Variants in TEX11 observed in about 807,000 individuals in gnomAD.
TEX11 encodes testis-expressed protein 11.
A neutral mutation model predicts 84.4 loss-of-function variants in TEX11; 7 were observed. The ratio of observed to expected loss-of-function variants is 0.08; its 90% CI spans 0.05 to 0.16. The LOEUF is 0.16. Ranked by LOEUF, TEX11 falls within the 10% of genes least tolerant of loss-of-function variation. The pLI, the probability that TEX11 is intolerant of heterozygous loss-of-function variation, is 1.00. For synonymous variants in TEX11, 264 were observed against 222.8 expected (o/e 1.18, Z -1.64); for missense variants, 551 against 660.5 (o/e 0.83, Z 1.82).
the TEX11 span, among the ~76,000 whole-genome samples, chrX:70,511,767 A>AAAG: frequency 9.7e-6 from 1 of 102,650 alleles, no homozygotes; most frequent in Non-Finnish European, 2.0e-5. Context: ...AAAAAAAAAA[A>AAAG]AAAAAAAAAG....
At chrX:70,798,042 A>T (rs780532952) in intron 9 of TEX11, among the ~76,000 whole-genome samples, 6 of 105,128 alleles carry the variant, frequency 5.7e-5, no homozygotes, top group African/African-American at 2.1e-4. Context: ...GGGGAAAGGC[A>T]TTCAAATTTG....
intron 28 of TEX11, among the ~76,000 whole-genome samples, chrX:70,536,978 T>C (rs1421180018): frequency 1.8e-5 from 2 of 111,950 alleles, no homozygotes; most frequent in Non-Finnish European, 3.8e-5. Context: ...GAAAGCAGAA[T>C]GGAACCATCT....
intron 17 of TEX11, among the ~76,000 whole-genome samples, chrX:70,641,904 G>A (rs2089664541): frequency 9.0e-6 from 1 of 111,277 alleles, no homozygotes; most frequent in Admixed American, 9.6e-5. Context: ...CAGAAGGCAA[G>A]AAATAACTAA....
At position 70,612,137 on chromosome X, in the gene TEX11, C is replaced by CAATAAT. The variant is rs561513499; in HGVS notation, c.1752-1600_1752-1595dup. On this transcript the variant is annotated intron_variant, in intron 20 of 29. Coordinates refer to ENST00000374333, the MANE Select transcript of TEX11 (RefSeq NM_031276.3). ...TGGGTGACAGAACGAGACACCATCT[C>CAATAAT]AATAATAATAATAATAATAATAATG... 2.0e-4 allele frequency among the ~76,000 whole-genome samples: 22 copies of CAATAAT among 107,941 alleles called. No homozygotes were observed. In the East Asian group the frequency reaches 2.3e-3, roughly 11 times the overall value. 93.7% of individuals were successfully genotyped at this position (107,941 alleles called of 115,157 possible).
chrX:70,711,120 A>T (rs2090427940), intron 13 of TEX11, among the ~76,000 whole-genome samples: 1 of 110,966 alleles, frequency 9.0e-6, no homozygotes, highest in Non-Finnish European at 1.9e-5. Context: ...ACATGAACTC[A>T]TCCTTTTTTA....
In TEX11 at chrX:70,532,844, T is replaced by C. The variant is rs775602447; in HGVS notation, c.2521-2845A>G. 6.3e-5 allele frequency among the ~76,000 whole-genome samples: 7 copies of C among 110,448 alleles called. No individual in the cohort carries two copies. In the South Asian group the frequency reaches 2.7e-3, roughly 43 times the overall value. ...ACGAGGTCAGGAGATCAAGAACATC[T>C]TGGCTAACATGGTGAAATCCTGTCT... On this transcript the variant is annotated intron_variant, in intron 28 of 29. Transcript: ENST00000374333.
intron 7 of TEX11, among the ~76,000 whole-genome samples, chrX:70,844,211 T>C (rs142456766): frequency 0.073 from 7,981 of 109,638 alleles, 252 homozygotes; most frequent in East Asian, 0.12. Flanking sequence ...GGAAGCAACC[T>C]AAATGTCCAA....
At chrX:70,567,139 G>T (rs2088497977) in intron 25 of TEX11, among the ~76,000 whole-genome samples, 3 of 111,150 alleles carry the variant, frequency 2.7e-5, no homozygotes, top group Admixed American at 9.6e-5. Flanking sequence ...TTGGGAGGGT[G>T]TATGTGTCGA....
intron 4 of TEX11, among the ~76,000 whole-genome samples, chrX:70,864,755 A>AAAAAG (rs1286822564): frequency 1.9e-5 from 2 of 107,520 alleles, no homozygotes; most frequent in Admixed American, 2.0e-4. Context: ...AAAAAAAAAA[A>AAAAAG]AAAAGAAAAG....
intron 25 of TEX11, among the ~76,000 whole-genome samples, chrX:70,563,423 TAAAGCATATA>T (rs2088404200): frequency 8.9e-6 from 1 of 111,994 alleles, no homozygotes; most frequent in Non-Finnish European, 1.9e-5. Flanking sequence ...GAAACCGTCT[TAAAGCATATA>T]AAGGGTTTAC....
intron 16 of TEX11, among the ~76,000 whole-genome samples, chrX:70,663,709 A>G (rs994032582): frequency 8.9e-6 from 1 of 111,924 alleles, no homozygotes; most frequent in African/African-American, 3.2e-5. Flanking sequence ...TTTTCAACCT[A>G]TGACGGATTT....
chrX:70,841,065 G>T (rs1186763334), intron 7 of TEX11, among the ~76,000 whole-genome samples: 1 of 111,174 alleles, frequency 9.0e-6, no homozygotes, highest in Non-Finnish European at 1.9e-5. Context: ...ACATTAGACA[G>T]ATCAATAAGA....
In TEX11 at chrX:70,768,413, G is replaced by A. The variant is rs143751556; in HGVS notation, c.693-24194C>T. Among the ~76,000 whole-genome samples the A allele has an allele frequency of 1.6e-3, 178 of 111,451 alleles. 1 individual carries two copies. The East Asian group carries it at 0.039, about 25-fold the overall frequency. ...ACTAGACCTAATAGACATCGGTAGCGCACTTGAATTAGTCCATTTTCACAC... is the reference window on the plus strand; with the variant it reads ...ACTAGACCTAATAGACATCGGTAGCACACTTGAATTAGTCCATTTTCACAC... On this transcript the variant is annotated intron_variant, in intron 9 of 29. Coordinates refer to ENST00000374333, the MANE Select transcript of TEX11 (RefSeq NM_031276.3).
intron 11 of TEX11, among the ~76,000 whole-genome samples, chrX:70,729,417 A>T (rs1244423147): frequency 9.0e-6 from 1 of 111,570 alleles, no homozygotes; most frequent in African/African-American, 3.3e-5. Context: ...TTGAAAAAAA[A>T]TTAGACGAAT....
At chrX:70,539,573 G>T (rs1380713295) in intron 28 of TEX11, among the ~76,000 whole-genome samples, 1 of 111,066 alleles carries the variant, frequency 9.0e-6, no homozygotes, top group East Asian at 2.8e-4. Context: ...GTGAGGATTA[G>T]GTTTGTCCCT....
chrX:70,851,666 TACACACACACAC>T (rs55903537), intron 7 of TEX11, among the ~76,000 whole-genome samples: 1 of 92,011 alleles, frequency 1.1e-5, no homozygotes, highest in East Asian at 3.6e-4. Flanking sequence ...ATTAAAAACA[TACACACACACAC>T]ACACACACAC....
intron 2 of TEX11, 43 bp from the exon 3 acceptor site, chrX:70,880,152 A>G (rs2091675454): frequency 1.9e-6 from 2 of 1,051,275 alleles, no homozygotes; most frequent in Non-Finnish European, 2.5e-6. Flanking sequence ...AACTATTACC[A>G]TTGGCTAAAT....
At chrX:70,772,097 T>A (rs1440639172) in intron 9 of TEX11, among the ~76,000 whole-genome samples, 6 of 111,803 alleles carry the variant, frequency 5.4e-5, no homozygotes, top group Non-Finnish European at 1.1e-4. Flanking sequence ...ACACAGGCAC[T>A]AGGTCAGCAT....
intron 11 of TEX11, among the ~76,000 whole-genome samples, chrX:70,736,292 A>C (rs1051624935): frequency 9.0e-6 from 1 of 111,310 alleles, no homozygotes; most frequent in Non-Finnish European, 1.9e-5. Context: ...ATTTACTATC[A>C]GATTCAGTTC....
Sources: gnomAD v4.1 joint callset for allele counts (sites outside exome capture counted in the v4.1 genomes callset) on GRCh38, gnomAD v4.1.1 for gene constraint, MANE v1.5 for transcripts, NCBI Gene and HGNC (gene_info 2026-07-23, HGNC 2026-07-21) for gene names.